The following FMN1 variants were observed in gnomAD, a reference collection of about 807,000 sequenced individuals.
The protein encoded by FMN1 is formin-1.
A neutral mutation model predicts 132.4 loss-of-function variants in FMN1; 110 were observed. The observed-to-expected ratio is 0.83, with a 90% confidence interval of 0.71 to 0.97. The LOEUF (loss-of-function observed/expected upper bound fraction) is 0.97. Among genes scored for constraint, FMN1 ranks in the 50% least tolerant of loss-of-function variants. The probability of loss-of-function intolerance (pLI) is 0.00; values close to 1 mark genes in which losing one functional copy is unlikely to be tolerated. For synonymous variants in FMN1, 722 were observed against 651.7 expected (o/e 1.11, Z -1.64); for missense variants, 1,792 against 1,705.3 (o/e 1.05, Z -0.90).
At chr15:32,979,555 C>CA (rs66993265) in intron 7 of FMN1, among the ~76,000 whole-genome samples, 2,821 of 56,654 alleles carry the variant, frequency 0.05, 135 homozygotes, top group South Asian at 0.064. Flanking sequence ...GACTCTGTCT[C>CA]AAAAAAAAAA....
chr15:33,037,645 C>A (rs528246333), intron 6 of FMN1, among the ~76,000 whole-genome samples: 4 of 152,310 alleles, frequency 2.6e-5, no homozygotes, highest in Non-Finnish European at 4.4e-5. Flanking sequence ...AAGGAGCCAG[C>A]CACTTTCACT....
chr15:33,094,684 T>A lies in FMN1; in HGVS notation c.1868-5710A>T, dbSNP rs201487035. On this transcript the variant is annotated intron_variant, in intron 4 of 20. Transcript: ENST00000616417. Reference sequence around the variant, plus strand: ...AACTATTTATAGTCATGCCTTTAAATGAAATAGCATTTTAAGGAAGTATAT... The same window carrying A: ...AACTATTTATAGTCATGCCTTTAAAAGAAATAGCATTTTAAGGAAGTATAT... 6.6e-5 allele frequency among the ~76,000 whole-genome samples: 10 copies of A among 152,342 alleles called. No homozygotes were observed. The East Asian group carries it at 1.7e-3, about 26-fold the overall frequency.
Position 33,089,067 on chromosome 15 carries a change from T to C in FMN1, c.1868-93A>G, listed in dbSNP as rs527495214. The C allele has an allele frequency of 8.0e-6, 8 of 1,002,714 alleles. No homozygotes were observed. The Admixed American group carries it at 1.7e-4, about 22-fold the overall frequency. The allele number at this position is 1,002,714 out of a possible 1,614,324, so 62.1% of individuals were successfully genotyped here. ...TGGGGAACTCCTACATAGACTTCTC[T>C]ATGCTAGCTCTTACTTTGCTTTCTA... On this transcript the variant is annotated intron_variant, in intron 4 of 20. Coordinates refer to ENST00000616417, the MANE Select transcript of FMN1 (RefSeq NM_001277313.2).
In FMN1 at chr15:32,949,952, T is replaced by TATATATATATATATATACAC. The variant is rs1567448398; in HGVS notation, c.3138+14154_3138+14155insGTGTATATATATATATATAT. Among the ~76,000 whole-genome samples the TATATATATATATATATACAC allele has an allele frequency of 1.8e-4, 9 of 50,496 alleles. 1 individual carries two copies. Among genetic ancestry groups the TATATATATATATATATACAC allele is most frequent in the African/African-American group, 9.7e-4 (8 of 8,246 alleles). The allele number at this position is 50,496 out of a possible 152,430, so 33.1% of individuals were successfully genotyped here. Reference sequence around the variant, plus strand: ...TGAGGCCAAAAAGCATATATATATATATATATATATATACACACATATATA... The same window carrying TATATATATATATATATACAC: ...TGAGGCCAAAAAGCATATATATATATATATATATATATATATACACATATATATATATACACACATATATA... On this transcript the variant is annotated intron_variant, in intron 9 of 20. Coordinates refer to ENST00000616417, the MANE Select transcript of FMN1 (RefSeq NM_001277313.2).
intron 4 of FMN1, among the ~76,000 whole-genome samples, chr15:33,119,197 C>A (rs1302396713): frequency 6.6e-6 from 1 of 152,024 alleles, no homozygotes; most frequent in Admixed American, 6.6e-5. Context: ...CAATGAACAC[C>A]CTTCTCTCTC....
chr15:33,066,207 C>T (rs1723780172), intron 5 of FMN1, among the ~76,000 whole-genome samples: 1 of 152,180 alleles, frequency 6.6e-6, no homozygotes, highest in African/African-American at 2.4e-5. Flanking sequence ...ATCATTTCCT[C>T]ATGCTACCTA....
intron 19 of FMN1, among the ~76,000 whole-genome samples, chr15:32,789,253 CA>C (rs2056984370): frequency 6.6e-6 from 1 of 151,954 alleles, no homozygotes. Context: ...AATAAAAAAC[CA>C]AATCATTAAA....
chr15:32,959,366 T>G (rs1358207657), intron 9 of FMN1, among the ~76,000 whole-genome samples: 2 of 152,188 alleles, frequency 1.3e-5, no homozygotes, highest in African/African-American at 4.8e-5. Context: ...ATCTTGATGT[T>G]GGAAATCTGG....
At position 32,899,785 on chromosome 15, in the gene FMN1, GA is replaced by G. The variant is rs4041540; in HGVS notation, c.3654+193del. On this transcript the variant is annotated intron_variant, in intron 14 of 20. Coordinates refer to ENST00000616417, the MANE Select transcript of FMN1 (RefSeq NM_001277313.2). The stretch of plus-strand genomic sequence containing the variant: ...AGTAATTGAAAATAAAGTCTAACGT[GA>G]AAAAAAAAAACCAAACAAAACTCTT... The G allele has an allele frequency of 4.7e-3, 2,558 of 540,440 alleles. 1 individual carries two copies. Among genetic ancestry groups the G allele is most frequent in the South Asian group, 0.01 (418 of 41,734 alleles). 33.5% of individuals were successfully genotyped at this position (540,440 alleles called of 1,614,324 possible). A position where few individuals can be genotyped will look rare whatever the true frequency, so the allele number is the denominator to read the frequency against.
intron 4 of FMN1, among the ~76,000 whole-genome samples, chr15:33,105,052 T>C (rs2039432837): frequency 6.6e-6 from 1 of 152,116 alleles, no homozygotes; most frequent in Non-Finnish European, 1.5e-5. Context: ...GCTATCTCAC[T>C]ACATAGTACA....
intron 4 of FMN1, among the ~76,000 whole-genome samples, chr15:33,121,955 AATTCATTT>A (rs1275510475): frequency 1.3e-5 from 2 of 152,138 alleles, no homozygotes; most frequent in Admixed American, 6.5e-5. Context: ...GTTACCAATT[AATTCATTT>A]ATTCATTTAC....
intron 7 of FMN1, among the ~76,000 whole-genome samples, chr15:32,984,540 C>A (rs1411388566): frequency 6.6e-6 from 1 of 152,032 alleles, no homozygotes; most frequent in Non-Finnish European, 1.5e-5. Flanking sequence ...GAAGAAACTT[C>A]ACAACAAATA....
At chr15:32,805,655 A>C (rs1439287648) in intron 17 of FMN1, among the ~76,000 whole-genome samples, 1 of 152,234 alleles carries the variant, frequency 6.6e-6, no homozygotes, top group Non-Finnish European at 1.5e-5. Context: ...AATTACACCT[A>C]GGCAAAGACA....
chr15:33,174,555 G>A (rs767119613), intron 3 of FMN1, among the ~76,000 whole-genome samples: 42 of 152,068 alleles, frequency 2.8e-4, no homozygotes, highest in South Asian at 4.1e-4. Flanking sequence ...TAAATTTTTC[G>A]TTTCAAATAC....
At chr15:33,092,272 A>G (rs1566908078) in intron 4 of FMN1, among the ~76,000 whole-genome samples, 2 of 152,206 alleles carry the variant, frequency 1.3e-5, no homozygotes, top group South Asian at 4.1e-4. Context: ...TGCAAAGGTA[A>G]TAATATGCCA....
intron 6 of FMN1, among the ~76,000 whole-genome samples, chr15:33,025,315 A>C (rs752741923): frequency 6.6e-6 from 1 of 152,198 alleles, no homozygotes; most frequent in Non-Finnish European, 1.5e-5. Context: ...ATAATGACTG[A>C]CACAATCAAC....
intron 6 of FMN1, 42 bp downstream of exon 6, chr15:33,064,915 G>A (rs367565515): frequency 2.2e-6 from 3 of 1,374,770 alleles, no homozygotes; most frequent in Non-Finnish European, 3.1e-6. Flanking sequence ...GCCATTGCAG[G>A]AAGAGATTCA....
rs2056145086 is a variant in FMN1 at position 32,769,144 on chromosome 15, G to C, written c.*5166C>G. 1 of 152,226 alleles carries C rather than the reference G, an allele frequency of 6.6e-6. No individual in the cohort carries two copies. The highest frequency in any genetic ancestry group is 2.4e-5 in the African/African-American group (1 of 41,446). The allele number at this position is 152,226 out of a possible 1,614,324, so 9.4% of individuals were successfully genotyped here. On this transcript the variant is annotated 3_prime_UTR_variant, in exon 21 of 21. Transcript: ENST00000616417. ...GTAGAAATTGCATAGTGGCTTAAGA[G>C]ACAGTTAGCCAGCTGCCATTTTAAT...
chr15:33,188,188 A>C (rs1332095686), intron 2 of FMN1, among the ~76,000 whole-genome samples: 1 of 152,034 alleles, frequency 6.6e-6, no homozygotes, highest in Non-Finnish European at 1.5e-5. Flanking sequence ...CAAAAAAAAA[A>C]AATCAGCCAG....
Sources: gnomAD v4.1 joint callset for allele counts (sites outside exome capture counted in the v4.1 genomes callset) on GRCh38, gnomAD v4.1.1 for gene constraint, MANE v1.5 for transcripts, NCBI Gene and HGNC (gene_info 2026-07-23, HGNC 2026-07-21) for gene names.